Variants in GRID2 observed in about 807,000 individuals in gnomAD.
GRID2 encodes the protein glutamate ionotropic receptor delta type subunit 2.
A neutral mutation model predicts 114.8 loss-of-function variants in GRID2; 33 were observed. The observed-to-expected ratio is 0.29, with a 90% CI of 0.22 to 0.38. The LOEUF is 0.38. GRID2 is among the 10% of genes least tolerant of loss of function. The pLI is 1.00. For missense variants in GRID2, 1,184 were observed against 1,257.7 expected (o/e 0.94, Z 0.89); for synonymous variants, 505 against 449.9 (o/e 1.12, Z -1.55).
In GRID2 at chr4:92,856,186, G is replaced by C. The variant is rs936736611; in HGVS notation, c.245-228809G>C. ...GTTTCAAGAACTAAACAATAGATTT[G>C]ATTCTTCCTTGTTCCTTGCTTTTTT... On this transcript the variant is annotated intron_variant, in intron 2 of 15. Transcript: ENST00000282020. 3.9e-5 allele frequency among the ~76,000 whole-genome samples: 6 copies of C among 152,084 alleles called. No homozygotes were observed. In the East Asian group the frequency reaches 1.2e-3, roughly 29 times the overall value.
chr4:93,626,534 GT>G, intron 14 of GRID2, 99 bp downstream of exon 14: 1 of 733,958 alleles, frequency 1.4e-6, no homozygotes, highest in Non-Finnish European at 2.3e-6. Flanking sequence ...TGTTTCCTTT[GT>G]TAGGAGAAGC....
At chr4:93,623,024 A>G (rs1357054587) in intron 13 of GRID2, among the ~76,000 whole-genome samples, 1 of 152,020 alleles carries the variant, frequency 6.6e-6, no homozygotes, top group Admixed American at 6.6e-5. Context: ...TAATATTGAC[A>G]TTTTTGCAAT....
intron 1 of GRID2, among the ~76,000 whole-genome samples, chr4:92,442,652 A>G (rs995778094): frequency 1.3e-5 from 2 of 151,926 alleles, no homozygotes; most frequent in Admixed American, 6.6e-5. Context: ...TGTTGGGAGC[A>G]GATTGGGTAA....
At position 93,647,600 on chromosome 4, in the gene GRID2, G is replaced by T. The variant is rs570043650; in HGVS notation, c.2360+21165G>T. ...TAACTCTGTCTCTTCAGCTTTATTA[G>T]TTCATCTTAGGTCATATGTTTACCC... On this transcript the variant is annotated intron_variant, in intron 14 of 15. Transcript: ENST00000282020. Among the ~76,000 whole-genome samples, 12 of 152,230 alleles carry T rather than the reference G, an allele frequency of 7.9e-5. No homozygotes were observed. The East Asian group carries it at 2.1e-3, about 27-fold the overall frequency.
chr4:92,530,777 T>G (rs894514695), intron 1 of GRID2, among the ~76,000 whole-genome samples: 2 of 148,310 alleles, frequency 1.3e-5, no homozygotes, highest in East Asian at 2.0e-4. Context: ...CGTGGTGGCG[T>G]GTGCCTATAA....
At chr4:93,076,085 G>A (rs1729265113) in intron 2 of GRID2, among the ~76,000 whole-genome samples, 1 of 151,748 alleles carries the variant, frequency 6.6e-6, no homozygotes, top group Admixed American at 6.6e-5. Context: ...TGTATTTTTA[G>A]TAGAGACGGG....
At chr4:92,801,630 G>A (rs576343683) in intron 2 of GRID2, among the ~76,000 whole-genome samples, 18 of 151,704 alleles carry the variant, frequency 1.2e-4, no homozygotes, top group Middle Eastern at 3.4e-3. Context: ...CTTTACATGC[G>A]AATACTTATT....
intron 9 of GRID2, among the ~76,000 whole-genome samples, chr4:93,396,245 T>C (rs1317481202): frequency 6.6e-6 from 1 of 151,986 alleles, no homozygotes. Context: ...ACTGAGAACA[T>C]TGACAAATAA....
In GRID2 at chr4:93,469,358, A is replaced by G. The variant is rs554366963; in HGVS notation, c.1858+13384A>G. Among the ~76,000 whole-genome samples the G allele has an allele frequency of 9.9e-5, 15 of 152,174 alleles. No individual in the cohort carries two copies. The South Asian group carries it at 3.1e-3, about 32-fold the overall frequency. On this transcript the variant is annotated intron_variant, in intron 11 of 15. Coordinates refer to ENST00000282020, the MANE Select transcript of GRID2 (RefSeq NM_001510.4). The stretch of plus-strand genomic sequence containing the variant: ...AAAAATTCTTTGCTACATCAAATCA[A>G]TCTACTAATAATGCCTTTCAGAGTA...
At chr4:92,962,142 T>C (rs1408452119) in intron 2 of GRID2, among the ~76,000 whole-genome samples, 1 of 152,016 alleles carries the variant, frequency 6.6e-6, no homozygotes, top group Non-Finnish European at 1.5e-5. Context: ...CTGATAATTC[T>C]AACATCCCTG....
rs1021654841 is a variant in GRID2 at position 92,807,841 on chromosome 4, G to T, written c.244+217555G>T. 4.6e-5 allele frequency among the ~76,000 whole-genome samples: 7 copies of T among 151,986 alleles called. No homozygotes were observed. In the East Asian group the frequency reaches 5.8e-4, roughly 13 times the overall value. On this transcript the variant is annotated intron_variant, in intron 2 of 15. Transcript: ENST00000282020. ...CATGTGTGCGTATGTGTCTGTCTAT[G>T]TATTATTTTGTGGAAATCAGCTTAA...
Position 93,515,279 on chromosome 4 carries a change from A to G in GRID2, c.2061A>G (p.Val687=). 6.2e-7 allele frequency: 1 copy of G among 1,609,690 alleles called. No individual in the cohort carries two copies. Among genetic ancestry groups the G allele is most frequent in the African/African-American group, 1.3e-5 (1 of 74,948 alleles). The change falls in exon 13 of 16, where the codon GTA becomes GTG. Residue 687 remains valine (V), a synonymous_variant. Transcript: ENST00000282020. ...ATGGCACAGTCCTAGACTCTGCGGTATATGAGCATGTCCGCATGAAAGGAC... is the reference window on the plus strand; with the variant it reads ...ATGGCACAGTCCTAGACTCTGCGGTGTATGAGCATGTCCGCATGAAAGGAC... ...IPYGTVLDSA[V]YEHVRMKGLN...
intron 1 of GRID2, among the ~76,000 whole-genome samples, chr4:92,446,389 G>A (rs902281392): frequency 5.9e-5 from 9 of 152,194 alleles, no homozygotes; most frequent in Admixed American, 6.5e-5. Context: ...ATATATAGTT[G>A]CTCCAGTATG....
intron 2 of GRID2, among the ~76,000 whole-genome samples, chr4:92,606,652 C>A (rs1037952727): frequency 6.6e-6 from 1 of 151,914 alleles, no homozygotes; most frequent in Non-Finnish European, 1.5e-5. Context: ...GCTACTAGCT[C>A]TGGGTTTTTG....
At chr4:93,207,591 G>A (rs1742959828) in intron 5 of GRID2, 134 bp downstream of exon 5, 3 of 609,308 alleles carry the variant, frequency 4.9e-6, no homozygotes, top group Non-Finnish European at 8.8e-6. Flanking sequence ...AGTGAATGCT[G>A]TTTAACAAAG....
rs74352215 is a variant in GRID2 at position 92,354,490 on chromosome 4, C to T, written c.88+49746C>T. Among the ~76,000 whole-genome samples the T allele has an allele frequency of 7.6e-4, 116 of 151,936 alleles. No individual in the cohort carries two copies. In the East Asian group the frequency reaches 0.022, roughly 29 times the overall value. On this transcript the variant is annotated intron_variant, in intron 1 of 15. Coordinates refer to ENST00000282020, the MANE Select transcript of GRID2 (RefSeq NM_001510.4). ...TATTATTACATTGTTTCTGTTTTTG[C>T]AGTCAGAATTTCTGGTATTCTTTCA...
Position 93,773,712 on chromosome 4 carries a change from C to A in GRID2, c.*1214C>A, listed in dbSNP as rs1734260708. On this transcript the variant is annotated 3_prime_UTR_variant, in exon 16 of 16. Coordinates refer to ENST00000282020, the MANE Select transcript of GRID2 (RefSeq NM_001510.4). ...TGATATTTGGGGAGGGGTGGGAGCCCTTAAGAACTATTGATGTGGCCTTAA... is the reference window on the plus strand; with the variant it reads ...TGATATTTGGGGAGGGGTGGGAGCCATTAAGAACTATTGATGTGGCCTTAA... The A allele has an allele frequency of 6.6e-6, 1 of 152,002 alleles. No homozygotes were observed. 9.4% of individuals were successfully genotyped at this position (152,002 alleles called of 1,614,324 possible).
At chr4:93,383,188 G>C (rs567539499) in intron 8 of GRID2, among the ~76,000 whole-genome samples, 1 of 152,150 alleles carries the variant, frequency 6.6e-6, no homozygotes. Context: ...AGGGGTAGGG[G>C]TGTGCAACAA....
At position 93,145,905 on chromosome 4, in the gene GRID2, T is replaced by C. The variant is rs537947370; in HGVS notation, c.735+34952T>C. ...ACACACACTTTATAGTCTGTAGTGA[T>C]GATCGAATGTCATGCAGTTATGTAA... On this transcript the variant is annotated intron_variant, in intron 4 of 15. Transcript: ENST00000282020. Among the ~76,000 whole-genome samples, 17 of 151,910 alleles carry C rather than the reference T, an allele frequency of 1.1e-4. No homozygotes were observed. The South Asian group carries it at 1.9e-3, about 17-fold the overall frequency.
Sources: allele counts gnomAD v4.1 joint callset (sites outside exome capture counted in the v4.1 genomes callset), GRCh38; gene constraint gnomAD v4.1.1; transcripts MANE v1.5; gene names NCBI Gene and HGNC (gene_info 2026-07-23, HGNC 2026-07-21).